DYNLT5: variants seen among roughly 807,000 people sequenced by gnomAD.
DYNLT5 encodes the protein dynein light chain Tctex-type 5.
DYNLT5 carries 25 observed loss-of-function variants against 19.3 expected under a neutral mutation model. The observed-to-expected ratio is 1.30, with a 90% CI of 0.95 to 1.81. The LOEUF (loss-of-function observed/expected upper bound fraction) is 1.81. Ranked by LOEUF, DYNLT5 falls within the 40% of genes most tolerant of loss-of-function variation. The probability of loss-of-function intolerance (pLI) is 0.00; values close to 1 mark genes in which losing one functional copy is unlikely to be tolerated. For synonymous variants in DYNLT5, 82 were observed against 68.9 expected (o/e 1.19, Z -0.94); for missense variants, 232 against 217.9 (o/e 1.06, Z -0.41).
intron 2 of DYNLT5, among the ~76,000 whole-genome samples, chr1:66,767,778 G>A (rs1483513434): frequency 6.6e-6 from 1 of 152,194 alleles, no homozygotes; most frequent in Non-Finnish European, 1.5e-5. Context: ...CAAGACCCAA[G>A]ATAGTGCTGA....
chr1:66,757,054 T>A (rs1056741206), intron 2 of DYNLT5, among the ~76,000 whole-genome samples: 1 of 152,274 alleles, frequency 6.6e-6, no homozygotes, highest in Non-Finnish European at 1.5e-5. Context: ...TTTCTTCTCC[T>A]ACTGCTTTTG....
chr1:66,772,470 C>T (rs572328419), intron 3 of DYNLT5, among the ~76,000 whole-genome samples: 1 of 152,340 alleles, frequency 6.6e-6, no homozygotes, highest in African/African-American at 2.4e-5. Flanking sequence ...CCAACACCTC[C>T]CACCAGGCCC....
chr1:66,754,404 T>C (rs1302826933), intron 1 of DYNLT5, among the ~76,000 whole-genome samples: 1 of 152,252 alleles, frequency 6.6e-6, no homozygotes, highest in African/African-American at 2.4e-5. Flanking sequence ...TAAGCATTTT[T>C]GCTATAGCTT....
intron 2 of DYNLT5, 68 bp downstream of exon 2, chr1:66,754,845 A>G: frequency 1.3e-6 from 2 of 1,482,280 alleles, no homozygotes; most frequent in Non-Finnish European, 1.8e-6. Context: ...TATTAGGAGA[A>G]AAAAACACTT....
chr1:66,758,493 A>T (rs2094640422), intron 2 of DYNLT5, among the ~76,000 whole-genome samples: 1 of 152,180 alleles, frequency 6.6e-6, no homozygotes, highest in Non-Finnish European at 1.5e-5. Flanking sequence ...CCAAAATTAC[A>T]GTGATGTCAT....
chr1:66,765,250 A>G (rs1032268314), intron 2 of DYNLT5, among the ~76,000 whole-genome samples: 2 of 152,204 alleles, frequency 1.3e-5, no homozygotes, highest in African/African-American at 4.8e-5. Context: ...AAATGATACT[A>G]TATTTATAAA....
At chr1:66,764,140 A>G (rs1322676261) in intron 2 of DYNLT5, among the ~76,000 whole-genome samples, 1 of 152,162 alleles carries the variant, frequency 6.6e-6, no homozygotes, top group Non-Finnish European at 1.5e-5. Context: ...GTGAGCCAAG[A>G]TCATACCACT....
chr1:66,777,222 G>C, intron 4 of DYNLT5, 29 bp from the exon 5 acceptor site: 1 of 1,585,640 alleles, frequency 6.3e-7, no homozygotes, highest in Non-Finnish European at 8.6e-7. Context: ...GTAGCTGAAT[G>C]AAGACCCTCC....
intron 1 of DYNLT5, among the ~76,000 whole-genome samples, 179 bp downstream of exon 1, chr1:66,752,763 A>G (rs765709392): frequency 6.6e-6 from 1 of 152,172 alleles, no homozygotes; most frequent in Non-Finnish European, 1.5e-5. Context: ...GTCGGTCCCA[A>G]CGGTTCGTCC....
Position 66,770,539 on chromosome 1 carries a change from A to C in DYNLT5, c.211+61A>C, listed in dbSNP as rs186277378. 2.3e-4 allele frequency: 282 copies of C among 1,244,750 alleles called. 1 individual carries two copies. Among genetic ancestry groups the C allele is most frequent in the Non-Finnish European group, 3.0e-4 (256 of 845,526 alleles). 77.1% of individuals were successfully genotyped at this position (1,244,750 alleles called of 1,614,324 possible). The stretch of plus-strand genomic sequence containing the variant: ...TCTAAATTGGTGACTGATTCTCTTA[A>C]AAATGATATTTGATAACCTGGCATT... On this transcript the variant is annotated intron_variant, in intron 3 of 4. Coordinates refer to ENST00000282670, the MANE Select transcript of DYNLT5 (RefSeq NM_152665.3).
At chr1:66,772,981 C>T (rs1196361790) in intron 3 of DYNLT5, among the ~76,000 whole-genome samples, 1 of 152,146 alleles carries the variant, frequency 6.6e-6, no homozygotes, top group East Asian at 1.9e-4. Flanking sequence ...ATAGTCTATA[C>T]ATCACATGGA....
At chr1:66,767,601 AG>A (rs1645168961) in intron 2 of DYNLT5, among the ~76,000 whole-genome samples, 1 of 152,206 alleles carries the variant, frequency 6.6e-6, no homozygotes, top group Admixed American at 6.5e-5. Context: ...TCCCACTTCC[AG>A]GTAGCAAACT....
intron 2 of DYNLT5, among the ~76,000 whole-genome samples, chr1:66,760,847 A>C (rs2094644870): frequency 6.6e-6 from 1 of 152,218 alleles, no homozygotes; most frequent in Non-Finnish European, 1.5e-5. Context: ...GCATTAGCTC[A>C]ACAGGCTTCA....
intron 3 of DYNLT5, among the ~76,000 whole-genome samples, chr1:66,774,882 G>C (rs931502270): frequency 6.6e-6 from 1 of 152,116 alleles, no homozygotes; most frequent in Admixed American, 6.6e-5. Context: ...ACTATAGGGT[G>C]CCATATGTTT....
At chr1:66,756,353 C>T (rs543513963) in intron 2 of DYNLT5, among the ~76,000 whole-genome samples, 3 of 152,114 alleles carry the variant, frequency 2.0e-5, no homozygotes, top group African/African-American at 4.8e-5. Flanking sequence ...TGTATTAATA[C>T]TTGCTTTCCA....
intron 2 of DYNLT5, among the ~76,000 whole-genome samples, chr1:66,768,417 A>G (rs538309159): frequency 8.9e-4 from 136 of 152,290 alleles, no homozygotes; most frequent in South Asian, 1.7e-3. Flanking sequence ...TATGATTCCT[A>G]TGGAAATAAA....
chr1:66,771,340 T>C (rs1031492711), intron 3 of DYNLT5, among the ~76,000 whole-genome samples: 2 of 152,212 alleles, frequency 1.3e-5, no homozygotes, highest in Non-Finnish European at 2.9e-5. Context: ...CTTTTATACT[T>C]CTCTGGTAAC....
chr1:66,764,174 C>A (rs539176046), intron 2 of DYNLT5, among the ~76,000 whole-genome samples: 2 of 151,890 alleles, frequency 1.3e-5, no homozygotes, highest in Admixed American at 1.3e-4. Flanking sequence ...GGTGACAAAG[C>A]GAGATTCTGT....
intron 2 of DYNLT5, among the ~76,000 whole-genome samples, chr1:66,765,712 T>G (rs943556059): frequency 2.6e-5 from 4 of 151,502 alleles, no homozygotes; most frequent in African/African-American, 9.7e-5. Flanking sequence ...CTCGGCTAAC[T>G]GCAACCTCCG....
Sources: gnomAD v4.1 joint callset for allele counts (sites outside exome capture counted in the v4.1 genomes callset) on GRCh38, gnomAD v4.1.1 for gene constraint, MANE v1.5 for transcripts, NCBI Gene and HGNC (gene_info 2026-07-23, HGNC 2026-07-21) for gene names.